Variants in SEMA3C observed in about 807,000 individuals in gnomAD.
The protein encoded by SEMA3C is semaphorin-3C.
SEMA3C carries 47 observed loss-of-function variants against 89.4 expected under a neutral mutation model. The observed-to-expected ratio is 0.53, with a 90% CI of 0.42 to 0.67. The LOEUF (loss-of-function observed/expected upper bound fraction) is 0.67, where lower values mean the gene tolerates loss of function less well. Ranked by LOEUF, SEMA3C falls within the 30% of genes least tolerant of loss-of-function variation. The pLI is 0.00. For missense variants in SEMA3C, 839 were observed against 929.1 expected (o/e 0.90, Z 1.26); for synonymous variants, 310 against 320.2 (o/e 0.97, Z 0.34).
intron 2 of SEMA3C, among the ~76,000 whole-genome samples, chr7:80,831,892 T>G (rs756294347): frequency 6.6e-6 from 1 of 152,150 alleles, no homozygotes; most frequent in Non-Finnish European, 1.5e-5. Flanking sequence ...TTTTGGGAGA[T>G]CTGAAAAGGA....
intron 12 of SEMA3C, among the ~76,000 whole-genome samples, chr7:80,787,219 C>T (rs1562874735): frequency 6.6e-6 from 1 of 151,822 alleles, no homozygotes; most frequent in Non-Finnish European, 1.5e-5. Context: ...TGGTGAAACC[C>T]TGTCTCTATT....
intron 16 of SEMA3C, among the ~76,000 whole-genome samples, chr7:80,749,386 C>A (rs1787874318): frequency 6.6e-6 from 1 of 152,138 alleles, no homozygotes; most frequent in Non-Finnish European, 1.5e-5. Context: ...CAAACTGAGG[C>A]TGTGAGTTAT....
chr7:80,818,812 A>C (rs1225775082), intron 4 of SEMA3C, among the ~76,000 whole-genome samples: 1 of 152,214 alleles, frequency 6.6e-6, no homozygotes, highest in Non-Finnish European at 1.5e-5. Context: ...AACTATTAGT[A>C]TATTTGCACC....
intron 2 of SEMA3C, among the ~76,000 whole-genome samples, chr7:80,905,496 C>T (rs1183739207): frequency 6.6e-6 from 1 of 152,016 alleles, no homozygotes; most frequent in Admixed American, 6.6e-5. Context: ...GTTACAGGCA[C>T]TGTTGGGAAT....
intron 2 of SEMA3C, among the ~76,000 whole-genome samples, chr7:80,833,522 C>G (rs1211596248): frequency 1.3e-5 from 2 of 151,924 alleles, no homozygotes; most frequent in Non-Finnish European, 2.9e-5. Flanking sequence ...AATTCAAATA[C>G]TGCAGGGAGC....
At chr7:80,895,438 T>A (rs1297503331) in intron 2 of SEMA3C, among the ~76,000 whole-genome samples, 3 of 152,204 alleles carry the variant, frequency 2.0e-5, no homozygotes, top group African/African-American at 7.2e-5. Context: ...TGCAAGGCAA[T>A]GTTCACTGCA....
chr7:80,886,393 G>A (rs891356191), intron 2 of SEMA3C, among the ~76,000 whole-genome samples: 3 of 147,382 alleles, frequency 2.0e-5, no homozygotes, highest in African/African-American at 5.0e-5. Flanking sequence ...TTGCTCTGTT[G>A]CCCAGGATGG....
At chr7:80,908,498 G>A (rs576580048) in intron 2 of SEMA3C, among the ~76,000 whole-genome samples, 1 of 152,276 alleles carries the variant, frequency 6.6e-6, no homozygotes, top group Non-Finnish European at 1.5e-5. Flanking sequence ...TTTGGCAACT[G>A]ACGCTAACTA....
In SEMA3C at chr7:80,802,695, C is replaced by T; in HGVS notation, c.886G>A (p.Asp296Asn). The T allele has an allele frequency of 6.2e-7, 1 of 1,613,408 alleles. No homozygotes were observed. The highest frequency in any genetic ancestry group is 8.5e-7 in the Non-Finnish European group (1 of 1,179,432). The stretch of plus-strand genomic sequence containing the variant: ...TCATCAAAGTGTGTTTCTGGGCCGT[C>T]TTCATCTGTTACCGAGCACACCAGC... Reference protein sequence around the residue: ...ARLVCSVTDEDGPETHFDELE... With the variant: ...ARLVCSVTDENGPETHFDELE... The change falls in exon 9 of 18, where the codon GAC (aspartate) becomes AAC (asparagine). Residue 296 changes from aspartate to asparagine, a missense_variant. Asp to Asn is a conservative substitution (Grantham distance 23). Coordinates refer to ENST00000265361, the MANE Select transcript of SEMA3C (RefSeq NM_006379.5).
chr7:80,897,788 T>C (rs568398121), intron 2 of SEMA3C, among the ~76,000 whole-genome samples: 85 of 152,362 alleles, frequency 5.6e-4, no homozygotes, highest in African/African-American at 1.5e-3. Context: ...TGCTTAGTCA[T>C]AAATTTTATT....
chr7:80,794,105 G>T (rs1192059202), intron 11 of SEMA3C, among the ~76,000 whole-genome samples: 1 of 151,436 alleles, frequency 6.6e-6, no homozygotes, highest in Non-Finnish European at 1.5e-5. Flanking sequence ...ACATATAAAA[G>T]CCCACTGCTC....
intron 12 of SEMA3C, among the ~76,000 whole-genome samples, chr7:80,785,132 A>G (rs536565966): frequency 3.4e-4 from 52 of 152,282 alleles, no homozygotes; most frequent in Non-Finnish European, 5.0e-4. Flanking sequence ...GTAGAAGGTC[A>G]GTATCTCAAA....
chr7:80,909,052 T>C (rs1159470761), intron 2 of SEMA3C, among the ~76,000 whole-genome samples: 5 of 152,064 alleles, frequency 3.3e-5, no homozygotes, highest in Admixed American at 6.6e-5. Flanking sequence ...TCAAATATAA[T>C]GTAATTTTAC....
At chr7:80,862,792 A>G in intron 2 of SEMA3C, among the ~76,000 whole-genome samples, 1 of 152,154 alleles carries the variant, frequency 6.6e-6, no homozygotes, top group Non-Finnish European at 1.5e-5. Flanking sequence ...AAACCCAAAT[A>G]CTTACAGTCA....
chr7:80,791,960 A>G (rs779106075), intron 11 of SEMA3C, among the ~76,000 whole-genome samples: 45 of 152,288 alleles, frequency 3.0e-4, no homozygotes, highest in Middle Eastern at 6.8e-3. Context: ...TTACCAGACT[A>G]GAACTTTTTA....
chr7:80,903,241 C>T (rs1484364339), intron 2 of SEMA3C, among the ~76,000 whole-genome samples: 3 of 152,186 alleles, frequency 2.0e-5, no homozygotes, highest in Admixed American at 2.0e-4. Flanking sequence ...CTATAGCCTA[C>T]TGCTCCTCAG....
At chr7:80,840,753 C>T (rs553382082) in intron 2 of SEMA3C, among the ~76,000 whole-genome samples, 3 of 152,136 alleles carry the variant, frequency 2.0e-5, no homozygotes, top group East Asian at 1.9e-4. Context: ...GAAGGAAGTA[C>T]TTGATCTTGT....
Position 80,911,688 on chromosome 7 carries a change from C to T in SEMA3C, c.103+4991G>A, listed in dbSNP as rs555361191. 2.0e-5 allele frequency among the ~76,000 whole-genome samples: 3 copies of T among 150,546 alleles called. No individual in the cohort carries two copies. In the South Asian group the frequency reaches 6.3e-4, roughly 31 times the overall value. On this transcript the variant is annotated intron_variant, in intron 2 of 17. Coordinates refer to ENST00000265361, the MANE Select transcript of SEMA3C (RefSeq NM_006379.5). ...GAGTACAATGGCTCAGGCTGGAGTA[C>T]AATGGCACGACCTCGACTCACTGCA...
At chr7:80,769,125 G>C (rs1788370938) in intron 12 of SEMA3C, among the ~76,000 whole-genome samples, 1 of 152,016 alleles carries the variant, frequency 6.6e-6, no homozygotes. Flanking sequence ...GTGGTATTTT[G>C]ATAAAGATAT....
Sources: gnomAD v4.1 joint callset for allele counts (sites outside exome capture counted in the v4.1 genomes callset) on GRCh38, gnomAD v4.1.1 for gene constraint, MANE v1.5 for transcripts, NCBI Gene and HGNC (gene_info 2026-07-23, HGNC 2026-07-21) for gene names.